The following ASIC2 variants were observed in gnomAD, a reference collection of about 807,000 sequenced individuals.
The protein encoded by ASIC2 is acid-sensing ion channel 2.
In ASIC2, 25 loss-of-function variants were observed where a neutral mutation model predicts 57.3. The observed-to-expected ratio is 0.44, with a 90% CI of 0.32 to 0.61. ASIC2 has a LOEUF of 0.61. ASIC2 is among the 20% of genes least tolerant of loss of function. ASIC2 has a pLI of 0.06. For synonymous variants in ASIC2, 319 were observed against 307.5 expected, an observed-to-expected ratio of 1.04 and a Z score of -0.39; for missense variants, 641 against 738.1, an observed-to-expected ratio of 0.87 and a Z score of 1.52.
At chr17:33,319,332 A>G (rs1455365314) in intron 1 of ASIC2, among the ~76,000 whole-genome samples, 1 of 152,176 alleles carries the variant, frequency 6.6e-6, no homozygotes, top group Non-Finnish European at 1.5e-5. Flanking sequence ...AAGGGTCCAT[A>G]GTATCCCACA....
intron 1 of ASIC2, among the ~76,000 whole-genome samples, chr17:33,747,219 C>T (rs532768590): frequency 2.9e-4 from 42 of 147,046 alleles, no homozygotes; most frequent in African/African-American, 9.9e-4. Context: ...CCCATCCAGC[C>T]GTCTTTTTTT....
At chr17:34,103,436 G>A (rs1224576157) in intron 1 of ASIC2, among the ~76,000 whole-genome samples, 3 of 152,188 alleles carry the variant, frequency 2.0e-5, no homozygotes, top group Non-Finnish European at 4.4e-5. Flanking sequence ...TTACAGGCAT[G>A]AGCCACCATG....
chr17:33,826,529 G>A (rs1409135822), intron 1 of ASIC2, among the ~76,000 whole-genome samples: 1 of 152,186 alleles, frequency 6.6e-6, no homozygotes, highest in Non-Finnish European at 1.5e-5. Flanking sequence ...AGGAACGTTG[G>A]CGATCACGTA....
chr17:34,042,947 T>C (rs960687805), intron 1 of ASIC2, among the ~76,000 whole-genome samples: 6 of 152,196 alleles, frequency 3.9e-5, no homozygotes, highest in African/African-American at 1.2e-4. Context: ...GAATACTATA[T>C]AGCAATGACA....
intron 1 of ASIC2, among the ~76,000 whole-genome samples, chr17:33,392,170 T>TTC (rs1909915779): frequency 1.1e-4 from 14 of 128,872 alleles, no homozygotes; most frequent in African/African-American, 3.9e-4. Context: ...TCTTTTCCTT[T>TTC]CTTCCTTCCT....
At chr17:33,874,377 T>G (rs1042160143) in intron 1 of ASIC2, among the ~76,000 whole-genome samples, 3 of 152,288 alleles carry the variant, frequency 2.0e-5, no homozygotes, top group African/African-American at 7.2e-5. Context: ...AGTATAAGTA[T>G]GTCCCAAATA....
chr17:33,714,806 CT>C (rs11323251), intron 1 of ASIC2, among the ~76,000 whole-genome samples: 26,223 of 124,032 alleles, frequency 0.21, 1,320 homozygotes, highest in African/African-American at 0.32. Context: ...ATTCTGTGAC[CT>C]TTTTTTTTTT....
intron 1 of ASIC2, among the ~76,000 whole-genome samples, chr17:33,930,594 A>G (rs1915910534): frequency 6.6e-6 from 1 of 152,242 alleles, no homozygotes; most frequent in South Asian, 2.1e-4. Flanking sequence ...TGCTTCAAAC[A>G]AAAGTATCAT....
At chr17:33,463,423 A>G (rs558510428) in intron 1 of ASIC2, among the ~76,000 whole-genome samples, 8 of 152,030 alleles carry the variant, frequency 5.3e-5, no homozygotes, top group Admixed American at 2.6e-4. Context: ...TCTAAAAACT[A>G]CTCTTTGGAC....
At chr17:34,082,120 A>C (rs1460188289) in intron 1 of ASIC2, 3 of 152,192 alleles carry the variant, frequency 2.0e-5, no homozygotes, top group Non-Finnish European at 4.4e-5. Context: ...GCATGCTTAA[A>C]GGTCTTTCTC....
intron 1 of ASIC2, among the ~76,000 whole-genome samples, chr17:33,630,250 T>C (rs756762077): frequency 6.6e-6 from 1 of 152,164 alleles, no homozygotes; most frequent in Non-Finnish European, 1.5e-5. Context: ...CCATCTCACA[T>C]AAGTTGGTCG....
chr17:33,802,666 A>T (rs1912163268), intron 1 of ASIC2, among the ~76,000 whole-genome samples: 3 of 152,270 alleles, frequency 2.0e-5, no homozygotes. Flanking sequence ...GGTTTTAAAC[A>T]GTAACTGCTT....
Position 33,903,066 on chromosome 17 carries a change from T to C in ASIC2, c.555+252912A>G, listed in dbSNP as rs75107864. ...TGGCCTGTCTCCCGAGACCTTTGAC[T>C]TTGCAAGAATATTTTAGTTTCAACC... is the stretch of plus-strand genomic sequence containing the variant. On this transcript the variant is annotated intron_variant, in intron 1 of 9. Transcript: ENST00000359872. Among the ~76,000 whole-genome samples the C allele has an allele frequency of 8.3e-4, 126 of 152,302 alleles. 2 individuals carry two copies. The East Asian group carries it at 0.024, about 29-fold the overall frequency.
At chr17:33,015,908 G>C in intron 9 of ASIC2, 63 bp downstream of exon 9, 1 of 1,580,892 alleles carries the variant, frequency 6.3e-7, no homozygotes, top group Non-Finnish European at 8.7e-7. Context: ...CCAGCATCTG[G>C]TTTTGTACTG....
intron 1 of ASIC2, among the ~76,000 whole-genome samples, chr17:33,568,334 T>C (rs561453887): frequency 2.0e-4 from 30 of 152,354 alleles, no homozygotes; most frequent in Non-Finnish European, 3.7e-4. Flanking sequence ...TTGCACTTTA[T>C]AGCTTACAAA....
chr17:33,521,409 A>T (rs1914738272), intron 1 of ASIC2, among the ~76,000 whole-genome samples: 1 of 152,170 alleles, frequency 6.6e-6, no homozygotes, highest in African/African-American at 2.4e-5. Context: ...GCACACAGGG[A>T]CACAAGAGGT....
chr17:33,246,031 A>AAC (rs1908678566), intron 1 of ASIC2, among the ~76,000 whole-genome samples: 1 of 150,280 alleles, frequency 6.7e-6, no homozygotes, highest in Non-Finnish European at 1.5e-5. Flanking sequence ...CCTCTACTTA[A>AAC]AAAAAAAAAA....
intron 1 of ASIC2, among the ~76,000 whole-genome samples, chr17:33,944,289 G>A (rs1233968473): frequency 1.3e-5 from 2 of 152,204 alleles, no homozygotes; most frequent in Non-Finnish European, 2.9e-5. Context: ...TGAGCTTTCT[G>A]TGGAGAAGAA....
chr17:33,803,209 G>C (rs1477492256), intron 1 of ASIC2, among the ~76,000 whole-genome samples: 1 of 152,196 alleles, frequency 6.6e-6, no homozygotes, highest in African/African-American at 2.4e-5. Context: ...CTATTGTTAG[G>C]TGAAAACATC....
Sources: gnomAD v4.1 joint callset for allele counts (sites outside exome capture counted in the v4.1 genomes callset) on GRCh38, gnomAD v4.1.1 for gene constraint, MANE v1.5 for transcripts, NCBI Gene and HGNC (gene_info 2026-07-23, HGNC 2026-07-21) for gene names.